Variants in ENOX1 observed in about 807,000 individuals in gnomAD.
ENOX1 encodes the protein ecto-NOX disulfide-thiol exchanger 1, also known as candidate growth-related and time keeping constitutive hydroquinone (NADH) oxidase.
A neutral mutation model predicts 82.5 loss-of-function variants in ENOX1; 42 were observed. That is an observed-to-expected ratio of 0.51 (90% CI 0.40 to 0.66). The LOEUF (loss-of-function observed/expected upper bound fraction) is 0.66, where lower values mean the gene tolerates loss of function less well. ENOX1 is among the 30% of genes least tolerant of loss of function. ENOX1 has a pLI of 0.00. For synonymous variants in ENOX1, 271 were observed against 282.2 expected (o/e 0.96, Z 0.40); for missense variants, 608 against 811.6 (o/e 0.75, Z 3.05).
chr13:43,748,200 C>T lies in ENOX1; in HGVS notation c.-285+38452G>A, dbSNP rs540236344. 1.5e-3 allele frequency among the ~76,000 whole-genome samples: 222 copies of T among 152,190 alleles called. 1 individual carries two copies. Among genetic ancestry groups the T allele is most frequent in the African/African-American group, 5.1e-3 (211 of 41,526 alleles). On this transcript the variant is annotated intron_variant, in intron 1 of 16. Coordinates refer to ENST00000690772, the MANE Select transcript of ENOX1 (RefSeq NM_001347969.2). ...CCTTGTCATTCTATGTGTTTTATTT[C>T]ATTCATTTACATATTTTACTCTGAG... is the stretch of plus-strand genomic sequence containing the variant.
At chr13:43,605,602 T>A (rs1214789260) in intron 2 of ENOX1, among the ~76,000 whole-genome samples, 2 of 152,108 alleles carry the variant, frequency 1.3e-5, no homozygotes, top group African/African-American at 2.4e-5. Flanking sequence ...TGGATATCCA[T>A]ATACAGAAGA....
chr13:43,283,805 C>T (rs1268712262), intron 12 of ENOX1, among the ~76,000 whole-genome samples: 1 of 151,438 alleles, frequency 6.6e-6, no homozygotes, highest in Non-Finnish European at 1.5e-5. Context: ...AGTTTTTTTT[C>T]CTAAAACAAA....
At chr13:43,677,517 T>C (rs1006092297) in intron 1 of ENOX1, among the ~76,000 whole-genome samples, 1 of 152,126 alleles carries the variant, frequency 6.6e-6, no homozygotes, top group African/African-American at 2.4e-5. Flanking sequence ...CTGACAATTT[T>C]CTCCCTTCAT....
At chr13:43,388,546 A>G (rs2052573237) in intron 5 of ENOX1, among the ~76,000 whole-genome samples, 1 of 152,214 alleles carries the variant, frequency 6.6e-6, no homozygotes, top group Non-Finnish European at 1.5e-5. Flanking sequence ...GAAACCTACT[A>G]AAGAGAAAAG....
At chr13:43,281,268 A>G (rs1156630514) in intron 12 of ENOX1, among the ~76,000 whole-genome samples, 1 of 152,202 alleles carries the variant, frequency 6.6e-6, no homozygotes, top group Non-Finnish European at 1.5e-5. Flanking sequence ...TGTGCCACAT[A>G]TTCTTAATAC....
At chr13:43,715,052 T>C (rs1594535436) in intron 1 of ENOX1, among the ~76,000 whole-genome samples, 1 of 152,158 alleles carries the variant, frequency 6.6e-6, no homozygotes, top group African/African-American at 2.4e-5. Flanking sequence ...CTGGTACCGG[T>C]TGTTCCTTTC....
chr13:43,470,317 C>CGTATATATAT lies in ENOX1; in HGVS notation c.-75+13691_-75+13692insATATATATAC, dbSNP rs1342127897. On this transcript the variant is annotated intron_variant, in intron 3 of 16. Transcript: ENST00000690772. ...ATACACATATATATACATATATATA[C>CGTATATATAT]ACATATATATATGTATATATATACG... Among the ~76,000 whole-genome samples, 28 of 42,156 alleles carry CGTATATATAT rather than the reference C, an allele frequency of 6.6e-4. 2 individuals carry two copies. The highest frequency in any genetic ancestry group is 6.4e-3 in the South Asian group (9 of 1,400). The allele number at this position is 42,156 out of a possible 152,430, so 27.7% of individuals were successfully genotyped here.
intron 4 of ENOX1, 79 bp from the exon 5 acceptor site, chr13:43,412,132 G>A: frequency 6.5e-7 from 1 of 1,528,282 alleles, no homozygotes. Flanking sequence ...TTCTAGATAT[G>A]TGAGGCTTCA....
At chr13:43,593,246 A>G (rs571366460) in intron 2 of ENOX1, among the ~76,000 whole-genome samples, 3 of 152,162 alleles carry the variant, frequency 2.0e-5, no homozygotes, top group African/African-American at 7.2e-5. Flanking sequence ...ATTTTGCCCA[A>G]AATGCATCCT....
intron 3 of ENOX1, among the ~76,000 whole-genome samples, chr13:43,437,292 C>T (rs924487716): frequency 3.3e-5 from 5 of 152,166 alleles, no homozygotes; most frequent in Admixed American, 6.5e-5. Context: ...TTCAGCCTGA[C>T]GTGGTGATGG....
chr13:43,663,031 T>C (rs545237582), intron 2 of ENOX1, among the ~76,000 whole-genome samples: 1 of 152,272 alleles, frequency 6.6e-6, no homozygotes, highest in African/African-American at 2.4e-5. Flanking sequence ...AAGTAACCAA[T>C]TCTGTGTGAA....
At chr13:43,562,887 G>A (rs748562554) in intron 2 of ENOX1, among the ~76,000 whole-genome samples, 2 of 151,978 alleles carry the variant, frequency 1.3e-5, no homozygotes, top group African/African-American at 4.8e-5. Flanking sequence ...AATATAGAAA[G>A]CAAATGTTAC....
chr13:43,456,245 T>G (rs1463561372), intron 3 of ENOX1, among the ~76,000 whole-genome samples: 1 of 152,112 alleles, frequency 6.6e-6, no homozygotes, highest in Non-Finnish European at 1.5e-5. Flanking sequence ...TTCTCTGTTT[T>G]GATCTCTATA....
intron 3 of ENOX1, among the ~76,000 whole-genome samples, chr13:43,442,679 G>A (rs766618803): frequency 6.6e-6 from 1 of 152,180 alleles, no homozygotes; most frequent in Non-Finnish European, 1.5e-5. Context: ...GTGTTTCACT[G>A]AGATTTATGC....
chr13:43,489,627 T>TC (rs2153661010), intron 2 of ENOX1, among the ~76,000 whole-genome samples: 1 of 152,118 alleles, frequency 6.6e-6, no homozygotes, highest in South Asian at 2.1e-4. Context: ...ACTCATAAAA[T>TC]CCCATTATTG....
intron 1 of ENOX1, among the ~76,000 whole-genome samples, chr13:43,686,998 AG>A (rs5803200): frequency 0.45 from 69,087 of 151,984 alleles, 17,524 homozygotes; most frequent in Non-Finnish European, 0.59. Flanking sequence ...CTCACAAAAA[AG>A]TATATATACA....
chr13:43,759,090 TAA>T (rs905355340), intron 1 of ENOX1, among the ~76,000 whole-genome samples: 2 of 126,126 alleles, frequency 1.6e-5, no homozygotes, highest in African/African-American at 5.9e-5. Context: ...CTGGAACTGA[TAA>T]GTTTCTTTTT....
At chr13:43,618,038 G>C (rs2082559448) in intron 2 of ENOX1, among the ~76,000 whole-genome samples, 1 of 152,092 alleles carries the variant, frequency 6.6e-6, no homozygotes, top group Admixed American at 6.6e-5. Flanking sequence ...CTTCTTTTGA[G>C]AATTGTCTAT....
intron 1 of ENOX1, among the ~76,000 whole-genome samples, chr13:43,727,885 C>T (rs555438807): frequency 7.9e-5 from 12 of 152,118 alleles, no homozygotes; most frequent in African/African-American, 2.9e-4. Flanking sequence ...ATTTTAGATC[C>T]AAAACAACCA....
Sources: gnomAD v4.1 joint callset for allele counts (sites outside exome capture counted in the v4.1 genomes callset) on GRCh38, gnomAD v4.1.1 for gene constraint, MANE v1.5 for transcripts, NCBI Gene and HGNC (gene_info 2026-07-23, HGNC 2026-07-21) for gene names.